ZNF407: variants seen among roughly 807,000 people sequenced by gnomAD.
ZNF407 encodes the protein zinc finger protein 407.
In ZNF407, 17 loss-of-function variants were observed where a neutral mutation model predicts 131.2. The ratio of observed to expected loss-of-function variants is 0.13; its 90% confidence interval spans 0.09 to 0.19. ZNF407 has a LOEUF of 0.19. Ranked by LOEUF, ZNF407 falls within the 10% of genes least tolerant of loss-of-function variation. The pLI, the probability that ZNF407 is intolerant of heterozygous loss-of-function variation, is 1.00. For synonymous variants in ZNF407, 1,156 were observed against 1,062.0 expected, an observed-to-expected ratio of 1.09 and a Z score of -1.72; for missense variants, 2,681 against 2,830.6, an observed-to-expected ratio of 0.95 and a Z score of 1.20.
intron 7 of ZNF407, among the ~76,000 whole-genome samples, chr18:74,916,428 T>C (rs1257649491): frequency 7.0e-6 from 1 of 142,810 alleles, no homozygotes; most frequent in Non-Finnish European, 1.5e-5. Context: ...TGTGTGTGTG[T>C]GCATGTGTGT....
At chr18:74,963,499 C>A (rs937486509) in intron 8 of ZNF407, among the ~76,000 whole-genome samples, 2 of 152,038 alleles carry the variant, frequency 1.3e-5, no homozygotes, top group African/African-American at 2.4e-5. Context: ...AAGAACTACT[C>A]GATTTTTTTT....
intron 4 of ZNF407, among the ~76,000 whole-genome samples, chr18:74,793,111 C>G (rs1969856409): frequency 6.6e-6 from 1 of 152,048 alleles, no homozygotes; most frequent in Admixed American, 6.6e-5. Context: ...GTGAGAGAAC[C>G]CAGAATGTGG....
At chr18:74,937,604 G>T (rs1442373424) in intron 8 of ZNF407, among the ~76,000 whole-genome samples, 2 of 152,178 alleles carry the variant, frequency 1.3e-5, no homozygotes, top group South Asian at 2.1e-4. Flanking sequence ...TTATTGTAGG[G>T]ATGAGACCTT....
intron 3 of ZNF407, among the ~76,000 whole-genome samples, chr18:74,777,093 G>C (rs1238826681): frequency 6.6e-6 from 1 of 152,078 alleles, no homozygotes; most frequent in Non-Finnish European, 1.5e-5. Flanking sequence ...AGATGAGTTA[G>C]ATCATCTCCC....
At position 74,824,633 on chromosome 18, in the gene ZNF407, G is replaced by T. The variant is rs141550274; in HGVS notation, c.4877+43131G>T. Among the ~76,000 whole-genome samples the T allele has an allele frequency of 6.9e-4, 105 of 152,182 alleles. 2 individuals are homozygous for T. The East Asian group carries it at 0.017, about 24-fold the overall frequency. The stretch of plus-strand genomic sequence containing the variant: ...TCTAGCAGAAATGGATAAATTGCTG[G>T]ACACATACACCCTCCAAAGTCTAAA... On this transcript the variant is annotated intron_variant, in intron 4 of 8. Transcript: ENST00000299687.
chr18:74,830,984 T>A (rs1970475235), intron 4 of ZNF407, among the ~76,000 whole-genome samples: 1 of 152,160 alleles, frequency 6.6e-6, no homozygotes, highest in Non-Finnish European at 1.5e-5. Flanking sequence ...AGATCAAATT[T>A]TTTTAGCTTC....
At chr18:74,644,148 A>T (rs944550813) in intron 3 of ZNF407, among the ~76,000 whole-genome samples, 1 of 145,588 alleles carries the variant, frequency 6.9e-6, no homozygotes, top group Non-Finnish European at 1.5e-5. Context: ...GTTAAGAGCC[A>T]TTTATTTTAC....
chr18:74,734,504 A>G (rs773286830), intron 3 of ZNF407, among the ~76,000 whole-genome samples: 24 of 152,190 alleles, frequency 1.6e-4, no homozygotes, highest in Admixed American at 7.9e-4. Context: ...TTTCTCTTCT[A>G]TAGGTACATA....
chr18:74,914,072 A>G (rs952091606), intron 7 of ZNF407, among the ~76,000 whole-genome samples: 6 of 152,086 alleles, frequency 3.9e-5, no homozygotes, highest in African/African-American at 1.4e-4. Context: ...TTTGAAGTGC[A>G]CTCTTAGAAT....
chr18:75,056,109 A>G (rs1276691275), intron 8 of ZNF407, among the ~76,000 whole-genome samples: 1 of 152,212 alleles, frequency 6.6e-6, no homozygotes, highest in Non-Finnish European at 1.5e-5. Context: ...AACTCCTTTT[A>G]ATTATTATGC....
At chr18:75,029,194 A>C (rs1973207882) in intron 8 of ZNF407, among the ~76,000 whole-genome samples, 1 of 152,212 alleles carries the variant, frequency 6.6e-6, no homozygotes, top group African/African-American at 2.4e-5. Context: ...ACAGACGTAC[A>C]AATGCATGCA....
chr18:74,900,597 G>A (rs747157102), intron 7 of ZNF407, among the ~76,000 whole-genome samples: 2 of 152,238 alleles, frequency 1.3e-5, no homozygotes, highest in Middle Eastern at 3.4e-3. Context: ...TTTAAACTGC[G>A]ACATCTTTTC....
Position 75,032,586 on chromosome 18 carries a change from C to T in ZNF407, c.5429-30564C>T, listed in dbSNP as rs142407805. ...CTGGCTGCACGATCAGAGTTTTCCCCCTGCCCACTAACTGGAAAGCTTCAT... is the reference window on the plus strand; with the variant it reads ...CTGGCTGCACGATCAGAGTTTTCCCTCTGCCCACTAACTGGAAAGCTTCAT... On this transcript the variant is annotated intron_variant, in intron 8 of 8. Coordinates refer to ENST00000299687, the MANE Select transcript of ZNF407 (RefSeq NM_017757.3). 8.1e-3 allele frequency among the ~76,000 whole-genome samples: 1,229 copies of T among 152,340 alleles called. 8 individuals carry two copies. The highest frequency in any genetic ancestry group is 0.013 in the Non-Finnish European group (888 of 68,040).
intron 7 of ZNF407, among the ~76,000 whole-genome samples, chr18:74,908,537 G>T (rs938770064): frequency 6.6e-6 from 1 of 152,114 alleles, no homozygotes; most frequent in Admixed American, 6.5e-5. Context: ...ATGTGGTCCA[G>T]CACTCCAAAT....
At chr18:74,832,368 G>A (rs1385816938) in intron 4 of ZNF407, among the ~76,000 whole-genome samples, 3 of 152,072 alleles carry the variant, frequency 2.0e-5, no homozygotes, top group Non-Finnish European at 4.4e-5. Flanking sequence ...CTAGTTATAC[G>A]TGAGGGGAAG....
intron 3 of ZNF407, among the ~76,000 whole-genome samples, chr18:74,690,430 G>GT (rs928518984): frequency 1.9e-4 from 25 of 131,048 alleles, no homozygotes; most frequent in Admixed American, 5.0e-4. Flanking sequence ...AGCTGGATTA[G>GT]TTTTTTTTTG....
Position 74,999,338 on chromosome 18 carries a change from T to TA in ZNF407, c.5429-63811dup, listed in dbSNP as rs574330030. 8.0e-3 allele frequency among the ~76,000 whole-genome samples: 754 copies of TA among 94,586 alleles called. 2 individuals carry two copies. The highest frequency in any genetic ancestry group is 0.012 in the Non-Finnish European group (605 of 51,344). 62.1% of individuals were successfully genotyped at this position (94,586 alleles called of 152,430 possible). On this transcript the variant is annotated intron_variant, in intron 8 of 8. Coordinates refer to ENST00000299687, the MANE Select transcript of ZNF407 (RefSeq NM_017757.3). Reference sequence around the variant, plus strand: ...CAATGTGCACATGTACCCTAAAACTTAGAGTATAATAAAAAAAAAAAAAAA... The same window carrying TA: ...CAATGTGCACATGTACCCTAAAACTTAAGAGTATAATAAAAAAAAAAAAAAA...
chr18:74,730,630 G>A (rs999374592), intron 3 of ZNF407, among the ~76,000 whole-genome samples: 4 of 152,210 alleles, frequency 2.6e-5, no homozygotes, highest in South Asian at 2.1e-4. Flanking sequence ...GTTCAACATT[G>A]ATTACACTTA....
chr18:74,920,818 C>G lies in ZNF407; in HGVS notation c.5428+126C>G, dbSNP rs17055935. 1,228 of 1,329,808 alleles carry G rather than the reference C, an allele frequency of 9.2e-4. 10 individuals are homozygous for G. The African/African-American group carries it at 0.015, about 17-fold the overall frequency. The allele number at this position is 1,329,808 out of a possible 1,614,324, so 82.4% of individuals were successfully genotyped here. The stretch of plus-strand genomic sequence containing the variant: ...GTAGAGTATGTGATAGTATCTGCTT[C>G]AAGACCTATAGAAAAGTACATTCCA... On this transcript the variant is annotated intron_variant, in intron 8 of 8. Coordinates refer to ENST00000299687, the MANE Select transcript of ZNF407 (RefSeq NM_017757.3).
Sources: allele counts gnomAD v4.1 joint callset (sites outside exome capture counted in the v4.1 genomes callset), GRCh38; gene constraint gnomAD v4.1.1; transcripts MANE v1.5; gene names NCBI Gene and HGNC (gene_info 2026-07-23, HGNC 2026-07-21).